LGALS12: variants seen among roughly 807,000 people sequenced by gnomAD.
The protein encoded by LGALS12 is galectin-12.
In LGALS12, 36 loss-of-function variants were observed where a neutral mutation model predicts 36.8. The observed-to-expected ratio is 0.98, with a 90% CI of 0.75 to 1.29. The LOEUF (loss-of-function observed/expected upper bound fraction) is 1.29, where lower values mean the gene tolerates loss of function less well. LGALS12 is among the 50% of genes most tolerant of loss of function. The probability of loss-of-function intolerance (pLI) is 0.00; values close to 1 mark genes in which losing one functional copy is unlikely to be tolerated. For synonymous variants in LGALS12, 145 were observed against 155.9 expected (o/e 0.93, Z 0.52); for missense variants, 366 against 394.3 (o/e 0.93, Z 0.61).
At chr11:63,515,244 A>T (rs772240051) in intron 7 of LGALS12, among the ~76,000 whole-genome samples, 5 of 152,224 alleles carry the variant, frequency 3.3e-5, no homozygotes, top group Admixed American at 2.0e-4. Flanking sequence ...TATCATCATC[A>T]TAATCATCCC....
At chr11:63,509,748 T>C (rs746915058) in intron 3 of LGALS12, 30 bp from the exon 4 acceptor site, 4 of 1,611,928 alleles carry the variant, frequency 2.5e-6, no homozygotes. Context: ...CATTAGCTGC[T>C]GATAAGCCAG....
At chr11:63,510,076 A>C (rs1382162387) in intron 4 of LGALS12, among the ~76,000 whole-genome samples, 179 bp downstream of exon 4, 2 of 152,174 alleles carry the variant, frequency 1.3e-5, no homozygotes, top group Non-Finnish European at 2.9e-5. Flanking sequence ...CTGAGGGGGA[A>C]GAGAAAGTGA....
rs1590643941 is a variant in LGALS12 at position 63,508,795 on chromosome 11, A to G, written c.176A>G (p.Gln59Arg). Residue 59 changes from glutamine (Q) to arginine (R), a missense_variant, in exon 3 of 9, where the codon CAG becomes CGG. Gln to Arg is a conservative substitution (Grantham distance 43). Transcript: ENST00000394618. ...LDAHRFQVDF[Q>R]CGCSLCPRPD... is the part of the protein sequence containing the mutation. ...CCCAGTAGGTTTCAGGTGGACTTCC[A>G]GTGTGGCTGCAGCCTGTGTCCCCGG... is the stretch of plus-strand genomic sequence containing the variant. 1 of 1,614,144 alleles carries G rather than the reference A, an allele frequency of 6.2e-7. No individual in the cohort carries two copies. Among genetic ancestry groups the G allele is most frequent in the Non-Finnish European group, 8.5e-7 (1 of 1,180,018 alleles).
In LGALS12 at chr11:63,506,152, C is replaced by A; in HGVS notation, c.-307C>A. On this transcript the variant is annotated 5_prime_UTR_variant, in exon 1 of 9. Coordinates refer to ENST00000394618, the MANE Select transcript of LGALS12 (RefSeq NM_033101.4). ...TCTGCAATGGCCATGTGCTGCAGAC[C>A]CGGAGTGGGTAGTTAGTTGGTTAAT... 2 of 512,448 alleles carry A rather than the reference C, an allele frequency of 3.9e-6. No homozygotes were observed. The highest frequency in any genetic ancestry group is 7.0e-6 in the Non-Finnish European group (2 of 285,386). The allele number at this position is 512,448 out of a possible 1,614,324, so 31.7% of individuals were successfully genotyped here.
chr11:63,515,933 G>T (rs2017069378), intron 8 of LGALS12, among the ~76,000 whole-genome samples: 2 of 152,082 alleles, frequency 1.3e-5, no homozygotes, highest in Admixed American at 6.6e-5. Flanking sequence ...AGGTGGGGGG[G>T]GGCCCAGGCA....
chr11:63,509,785 T>C lies in LGALS12; in HGVS notation c.380T>C (p.Val127Ala). The change falls in exon 4 of 9, where the codon GTG (valine) becomes GCG (alanine). Residue 127 changes from valine (V) to alanine (A), a missense_variant. Val to Ala is a moderately conservative substitution (Grantham distance 64). Coordinates refer to ENST00000394618, the MANE Select transcript of LGALS12 (RefSeq NM_033101.4). The part of the protein sequence containing the change: ...LFGNEEVKVS[V>A]NGQHFLHFRY... ...CTCTGTCTGTCTCTCCAGGTGAGTG[T>C]GAATGGACAGCACTTTCTCCACTTC... 1 of 1,614,140 alleles carries C rather than the reference T, an allele frequency of 6.2e-7. No individual in the cohort carries two copies. The highest frequency in any genetic ancestry group is 1.3e-5 in the African/African-American group (1 of 75,046).
chr11:63,507,725 CTTTTTTTTTTT>C (rs199594642), intron 1 of LGALS12, among the ~76,000 whole-genome samples: 29 of 69,946 alleles, frequency 4.1e-4, no homozygotes, highest in East Asian at 1.5e-3. Flanking sequence ...CAGGCAACTT[CTTTTTTTTTTT>C]TTTTTTTTTT....
chr11:63,508,674 G>C (rs1286071040), intron 2 of LGALS12, 33 bp downstream of exon 2: 2 of 1,613,792 alleles, frequency 1.2e-6, no homozygotes, highest in East Asian at 2.2e-5. Context: ...GGGGGTGCTG[G>C]AGCTCAGCCC....
intron 6 of LGALS12, 92 bp from the exon 7 acceptor site, chr11:63,511,660 C>G: frequency 1.2e-6 from 1 of 854,232 alleles, no homozygotes; most frequent in Middle Eastern, 2.9e-4. Flanking sequence ...GCAGAACATG[C>G]CTGCCCCAGT....
At position 63,511,774 on chromosome 11, in the gene LGALS12, T is replaced by C. The variant is rs745970103; in HGVS notation, c.581T>C (p.Leu194Pro). The C allele has an allele frequency of 1.9e-6, 3 of 1,613,528 alleles. No individual in the cohort carries two copies. Among genetic ancestry groups the C allele is most frequent in the Non-Finnish European group, 2.5e-6 (3 of 1,179,706 alleles). The stretch of plus-strand genomic sequence containing the variant: ...CAGGAGGTGCCCTGCTCACATGCTC[T>C]TCCCCAGGGTCTCTCGCCTGGGCAG... ...PRLEVPCSHA[L>P]PQGLSPGQVI... The change falls in exon 7 of 9, where the codon CTT becomes CCT. Residue 194 changes from leucine to proline, a missense_variant. Leu to Pro is a moderately conservative substitution (Grantham distance 98). Transcript: ENST00000394618.
intron 3 of LGALS12, 30 bp from the exon 4 acceptor site, chr11:63,509,748 T>G (rs746915058): frequency 6.2e-7 from 1 of 1,611,928 alleles, no homozygotes; most frequent in Admixed American, 1.7e-5. Flanking sequence ...CATTAGCTGC[T>G]GATAAGCCAG....
Position 63,516,463 on chromosome 11 carries a change from C to G in LGALS12, c.*70C>G. The stretch of plus-strand genomic sequence containing the variant: ...CACTCCCAGGGCCCCACTCTCCTCC[C>G]CTCATTAAACCATCCACCTGACACC... On this transcript the variant is annotated 3_prime_UTR_variant, in exon 9 of 9. Coordinates refer to ENST00000394618, the MANE Select transcript of LGALS12 (RefSeq NM_033101.4). 1 of 1,554,868 alleles carries G rather than the reference C, an allele frequency of 6.4e-7. No individual in the cohort carries two copies. The highest frequency in any genetic ancestry group is 8.8e-7 in the Non-Finnish European group (1 of 1,133,766).
In LGALS12 at chr11:63,516,736, T is replaced by C. The variant is rs150044229; in HGVS notation, c.*343T>C. On this transcript the variant is annotated 3_prime_UTR_variant, in exon 9 of 9. Transcript: ENST00000394618. Reference sequence around the variant, plus strand: ...GTGGTCATTTATTCTTTATTATTTATTTATTTGTGGTCAAATAAATAAATA... The same window carrying C: ...GTGGTCATTTATTCTTTATTATTTACTTATTTGTGGTCAAATAAATAAATA... 4 of 256,748 alleles carry C rather than the reference T, an allele frequency of 1.6e-5. No individual in the cohort carries two copies. The highest frequency in any genetic ancestry group is 4.6e-5 in the African/African-American group (2 of 43,344). 15.9% of individuals were successfully genotyped at this position (256,748 alleles called of 1,614,324 possible).
At chr11:63,509,624 G>A (rs555942140) in intron 3 of LGALS12, among the ~76,000 whole-genome samples, 154 bp from the exon 4 acceptor site, 3 of 152,314 alleles carry the variant, frequency 2.0e-5, no homozygotes, top group Non-Finnish European at 4.4e-5. Flanking sequence ...TACTTAAGCC[G>A]CCCAAGGCTC....
At chr11:63,513,897 G>C (rs2016998849) in intron 7 of LGALS12, among the ~76,000 whole-genome samples, 1 of 152,178 alleles carries the variant, frequency 6.6e-6, no homozygotes, top group Admixed American at 6.5e-5. Context: ...ATTATCCAGT[G>C]ATCTGGCGGG....
At chr11:63,515,432 T>A in intron 7 of LGALS12, 131 bp from the exon 8 acceptor site, 1 of 995,868 alleles carries the variant, frequency 1.0e-6, no homozygotes, top group Middle Eastern at 3.3e-4. Flanking sequence ...AGGCCCTCAG[T>A]GCTTGTTTCT....
intron 1 of LGALS12, among the ~76,000 whole-genome samples, chr11:63,507,520 AG>A (rs2016775519): frequency 6.6e-6 from 1 of 152,050 alleles, no homozygotes; most frequent in Non-Finnish European, 1.5e-5. Flanking sequence ...TAGGGAAAAA[AG>A]CCAACCAGTC....
intron 4 of LGALS12, 56 bp from the exon 5 acceptor site, chr11:63,510,407 G>A: frequency 6.4e-7 from 1 of 1,569,890 alleles, no homozygotes; most frequent in South Asian, 1.1e-5. Flanking sequence ...CCAGGCATAG[G>A]TAGGGGATTG....
chr11:63,511,918 T>C, intron 7 of LGALS12, 78 bp downstream of exon 7: 1 of 949,134 alleles, frequency 1.1e-6, no homozygotes, highest in South Asian at 1.3e-5. Context: ...ATCATCTCTT[T>C]TAATCTCCTA....
Sources: allele counts gnomAD v4.1 joint callset (sites outside exome capture counted in the v4.1 genomes callset), GRCh38; gene constraint gnomAD v4.1.1; transcripts MANE v1.5; gene names NCBI Gene and HGNC (gene_info 2026-07-23, HGNC 2026-07-21).